PAN3: variants seen among roughly 807,000 people sequenced by gnomAD.
The protein encoded by PAN3 is PAN2-PAN3 deadenylation complex subunit PAN3.
In PAN3, 19 loss-of-function variants were observed where a neutral mutation model predicts 96.2. The ratio of observed to expected loss-of-function variants is 0.20; its 90% confidence interval spans 0.14 to 0.29. The LOEUF is 0.29. PAN3 is among the 10% of genes least tolerant of loss of function. PAN3 has a pLI of 1.00. For missense variants in PAN3, 882 were observed against 1,108.1 expected, an observed-to-expected ratio of 0.80 and a Z score of 2.90; for synonymous variants, 433 against 406.6, an observed-to-expected ratio of 1.06 and a Z score of -0.78.
chr13:28,217,816 C>G (rs1347858754), intron 5 of PAN3, among the ~76,000 whole-genome samples: 5 of 147,978 alleles, frequency 3.4e-5, no homozygotes, highest in Non-Finnish European at 5.9e-5. Context: ...ATTATTCAAA[C>G]ATAGGTCAGG....
intron 9 of PAN3, among the ~76,000 whole-genome samples, chr13:28,265,741 T>A (rs1345876024): frequency 6.3e-5 from 1 of 15,790 alleles, no homozygotes; most frequent in Non-Finnish European, 9.4e-5. Flanking sequence ...TTTTTTTTTT[T>A]TTTGAGACGG....
chr13:28,266,960 T>C, intron 10 of PAN3, 84 bp downstream of exon 10: 1 of 1,291,056 alleles, frequency 7.7e-7, no homozygotes, highest in Non-Finnish European at 1.0e-6. Context: ...TTATTTAATA[T>C]ATGAATTAAA....
At chr13:28,290,553 T>C (rs546390457) in intron 18 of PAN3, among the ~76,000 whole-genome samples, 32 of 152,210 alleles carry the variant, frequency 2.1e-4, no homozygotes, top group African/African-American at 7.5e-4. Flanking sequence ...TGGTGGTACA[T>C]GCCTGTAATC....
chr13:28,165,243 A>G (rs112965093), intron 1 of PAN3, among the ~76,000 whole-genome samples: 224 of 151,936 alleles, frequency 1.5e-3, no homozygotes, highest in African/African-American at 5.1e-3. Flanking sequence ...CCTTTGGTCC[A>G]AAGTTTGAAA....
In PAN3 at chr13:28,266,751, T is replaced by A. The variant is rs1245480098; in HGVS notation, c.1448T>A (p.Phe483Tyr). 1 of 1,606,142 alleles carries A rather than the reference T, an allele frequency of 6.2e-7. No individual in the cohort carries two copies. The highest frequency in any genetic ancestry group is 1.1e-5 in the South Asian group (1 of 89,818). The change falls in exon 10 of 19, where the codon TTC (phenylalanine) becomes TAC (tyrosine). Residue 483 changes from phenylalanine to tyrosine, a missense_variant. Around this residue, in one of 3 missense-constraint regions of PAN3, gnomAD observed 364 missense variants for 513.6 expected, o/e 0.71. Coordinates refer to ENST00000380958, the MANE Select transcript of PAN3 (RefSeq NM_175854.8). Reference protein sequence around the residue: ...PTEVDSYHSLFPLEPLPPPNR... With the variant: ...PTEVDSYHSLYPLEPLPPPNR... ...GAGGTTGACAGCTACCATAGCCTAT[T>A]CCCTCTAGAACCACTGCCACCTCCC...
chr13:28,154,707 G>T (rs1871865846), intron 1 of PAN3, among the ~76,000 whole-genome samples: 1 of 151,750 alleles, frequency 6.6e-6, no homozygotes, highest in South Asian at 2.1e-4. Context: ...TGTTAGCCAG[G>T]CTGGTCTCGA....
intron 18 of PAN3, among the ~76,000 whole-genome samples, chr13:28,288,404 AT>A (rs1379408613): frequency 6.6e-6 from 1 of 152,014 alleles, no homozygotes; most frequent in Non-Finnish European, 1.5e-5. Flanking sequence ...GGTTCAAGTG[AT>A]TCTCCTGCCT....
At chr13:28,279,863 C>G (rs763783996) in intron 15 of PAN3, among the ~76,000 whole-genome samples, 1 of 151,012 alleles carries the variant, frequency 6.6e-6, no homozygotes, top group Admixed American at 6.6e-5. Context: ...GCAGTGGTGC[C>G]ATCTCAGCTC....
intron 5 of PAN3, among the ~76,000 whole-genome samples, chr13:28,218,932 C>G (rs1013826160): frequency 6.6e-6 from 1 of 152,032 alleles, no homozygotes. Context: ...TTATCTTGAC[C>G]CTCAACTTCT....
intron 1 of PAN3, among the ~76,000 whole-genome samples, chr13:28,148,461 A>G (rs1034441115): frequency 9.2e-5 from 14 of 152,178 alleles, no homozygotes. Context: ...TATTTTTAAT[A>G]TTTAAAAAAA....
intron 1 of PAN3, among the ~76,000 whole-genome samples, chr13:28,154,960 A>T (rs1176336597): frequency 6.6e-6 from 1 of 151,190 alleles, no homozygotes; most frequent in African/African-American, 2.4e-5. Flanking sequence ...AGCTGGGAGT[A>T]CAGTCGCCCA....
In PAN3 at chr13:28,294,989, A is replaced by G. The variant is rs1870151597; in HGVS notation, c.*2467A>G. ...TTTTAATTAATAGAAAGATTTTAAT[A>G]TCCAAGAGTAGTCAAATTAAGGATA... On this transcript the variant is annotated 3_prime_UTR_variant, in exon 19 of 19. Transcript: ENST00000380958. 6.6e-6 allele frequency: 1 copy of G among 151,528 alleles called. No individual in the cohort carries two copies. 9.4% of individuals were successfully genotyped at this position (151,528 alleles called of 1,614,324 possible). A position where few individuals can be genotyped will look rare whatever the true frequency, so the allele number is the denominator to read the frequency against.
At chr13:28,275,119 C>G (rs1347056829) in intron 14 of PAN3, among the ~76,000 whole-genome samples, 3 of 152,016 alleles carry the variant, frequency 2.0e-5, no homozygotes, top group African/African-American at 7.2e-5. Flanking sequence ...AATTATTTAG[C>G]TGAGAAATAA....
At chr13:28,165,357 G>A (rs554136494) in intron 1 of PAN3, among the ~76,000 whole-genome samples, 7 of 145,558 alleles carry the variant, frequency 4.8e-5, no homozygotes, top group African/African-American at 1.8e-4. Flanking sequence ...CTGGGCTCAA[G>A]TGATAATACC....
intron 1 of PAN3, among the ~76,000 whole-genome samples, chr13:28,148,528 C>T (rs1870965614): frequency 1.3e-5 from 2 of 152,136 alleles, no homozygotes. Context: ...AAATGTAATA[C>T]ATGCACAGGT....
At chr13:28,246,790 G>T (rs1884235766) in intron 6 of PAN3, among the ~76,000 whole-genome samples, 1 of 151,852 alleles carries the variant, frequency 6.6e-6, no homozygotes, top group Non-Finnish European at 1.5e-5. Flanking sequence ...ATATTCTATT[G>T]TATGTATGTA....
chr13:28,230,052 C>CTCTTTTTTTTTT (rs929257719), intron 6 of PAN3, among the ~76,000 whole-genome samples: 1 of 151,316 alleles, frequency 6.6e-6, no homozygotes, highest in Non-Finnish European at 1.5e-5. Flanking sequence ...CTTTTAGTAC[C>CTCTTTTTTTTTT]TCTTTTTTTT....
chr13:28,177,998 C>A (rs1875274468), intron 4 of PAN3, 63 bp downstream of exon 4: 2 of 1,433,906 alleles, frequency 1.4e-6, no homozygotes, highest in Non-Finnish European at 2.0e-6. Flanking sequence ...GGCATTGTTA[C>A]CTATGTAGTG....
At position 28,239,329 on chromosome 13, in the gene PAN3, A is replaced by G. The variant is rs565558360; in HGVS notation, c.1001-16963A>G. ...CCTTCATATTTTTTCCCAGTGAGAA[A>G]CCATATGGTTTGTGCTATAGCTTCT... On this transcript the variant is annotated intron_variant, in intron 6 of 18. Transcript: ENST00000380958. 2.0e-5 allele frequency among the ~76,000 whole-genome samples: 3 copies of G among 152,232 alleles called. No individual in the cohort carries two copies. The South Asian group carries it at 6.2e-4, about 32-fold the overall frequency.
Sources: gnomAD v4.1 joint callset for allele counts (sites outside exome capture counted in the v4.1 genomes callset) on GRCh38, gnomAD v4.1.1 for gene constraint, gnomAD v4.1.1 regional missense constraint, MANE v1.5 for transcripts, NCBI Gene and HGNC (gene_info 2026-07-23, HGNC 2026-07-21) for gene names.